Variants in NAALADL2 observed in about 807,000 individuals in gnomAD.
NAALADL2 encodes N-acetylated alpha-linked acidic dipeptidase like 2.
A neutral mutation model predicts 87.2 loss-of-function variants in NAALADL2; 76 were observed. The ratio of observed to expected loss-of-function variants is 0.87; its 90% CI spans 0.72 to 1.05. NAALADL2 has a LOEUF of 1.05. Ranked by LOEUF, NAALADL2 falls within the 50% of genes least tolerant of loss-of-function variation. The probability of loss-of-function intolerance (pLI) is 0.00; values close to 1 mark genes in which losing one functional copy is unlikely to be tolerated. For synonymous variants in NAALADL2, 354 were observed against 331.0 expected (o/e 1.07, Z -0.75); for missense variants, 1,089 against 945.8 (o/e 1.15, Z -1.99).
chr3:175,224,788 G>A (rs4894702), intron 2 of NAALADL2, among the ~76,000 whole-genome samples: 131,137 of 152,198 alleles, frequency 0.86, 56,834 homozygotes, highest in Middle Eastern at 0.94. Flanking sequence ...TAACTTATTC[G>A]AATACCAAAA....
chr3:174,805,415 TC>T (rs1719350410), intron 3 of NAALADL2, among the ~76,000 whole-genome samples: 1 of 152,166 alleles, frequency 6.6e-6, no homozygotes, highest in Non-Finnish European at 1.5e-5. Context: ...ATGTAGCACA[TC>T]GAAATATGAA....
At chr3:175,048,342 T>C (rs2109006131) in intron 1 of NAALADL2, among the ~76,000 whole-genome samples, 1 of 145,378 alleles carries the variant, frequency 6.9e-6, no homozygotes, top group East Asian at 1.9e-4. Context: ...AAAATTGTTC[T>C]TTTTTTCTAC....
rs139596450 is a variant in NAALADL2, at chr3:175,426,624, G to T, written c.1091-20605G>T. Reference sequence around the variant, plus strand: ...TTTGAATCTCAGTTGCCACTGCAAAGTAATCCAACTCTTGCTATGATAAAA... The same window carrying T: ...TTTGAATCTCAGTTGCCACTGCAAATTAATCCAACTCTTGCTATGATAAAA... On this transcript the variant is annotated intron_variant, in intron 5 of 13. Transcript: ENST00000454872. Among the ~76,000 whole-genome samples, 48 of 152,248 alleles carry T rather than the reference G, an allele frequency of 3.2e-4. 2 individuals carry two copies. In the East Asian group the frequency reaches 4.2e-3, roughly 13 times the overall value.
chr3:174,812,334 G>A lies in NAALADL2; in HGVS notation c.-9+74588G>A, dbSNP rs115253146. On this transcript the variant is annotated intron_variant, in intron 3 of 3. Transcript: ENST00000434257. The stretch of plus-strand genomic sequence containing the variant: ...GGAGCTGAAAACTTCCTATAAGTGA[G>A]TAACACCTAGCTGTCATAACATCAC... Among the ~76,000 whole-genome samples, 488 of 152,222 alleles carry A rather than the reference G, an allele frequency of 3.2e-3. 2 individuals are homozygous for A. Among genetic ancestry groups the A allele is most frequent in the African/African-American group, 0.011 (466 of 41,540 alleles).
At chr3:175,078,440 C>G (rs1452437074) in intron 1 of NAALADL2, among the ~76,000 whole-genome samples, 1 of 152,004 alleles carries the variant, frequency 6.6e-6, no homozygotes, top group African/African-American at 2.4e-5. Flanking sequence ...AATTAAAAAC[C>G]ATAAAATTCA....
chr3:175,544,259 T>A (rs985896076), intron 9 of NAALADL2, among the ~76,000 whole-genome samples: 4 of 152,338 alleles, frequency 2.6e-5, no homozygotes, highest in African/African-American at 9.6e-5. Context: ...AAACAAGCTT[T>A]TTGCAATAAT....
intron 9 of NAALADL2, among the ~76,000 whole-genome samples, chr3:175,486,583 T>A (rs1210423471): frequency 6.6e-6 from 1 of 152,134 alleles, no homozygotes; most frequent in Admixed American, 6.6e-5. Flanking sequence ...CCCCCAAATC[T>A]CTGGAGCTAT....
intron 1 of NAALADL2, among the ~76,000 whole-genome samples, chr3:174,892,034 G>T (rs1222190781): frequency 6.6e-6 from 1 of 152,144 alleles, no homozygotes; most frequent in Non-Finnish European, 1.5e-5. Context: ...GCCCCCTAAA[G>T]CAGAAACTGC....
At chr3:175,415,202 G>A (rs969444146) in intron 5 of NAALADL2, among the ~76,000 whole-genome samples, 1 of 152,160 alleles carries the variant, frequency 6.6e-6, no homozygotes, top group South Asian at 2.1e-4. Context: ...TATTTGGTTG[G>A]TGCAAAAGTA....
chr3:175,685,028 T>C (rs1437634338), intron 11 of NAALADL2, among the ~76,000 whole-genome samples: 1 of 152,164 alleles, frequency 6.6e-6, no homozygotes, highest in African/African-American at 2.4e-5. Flanking sequence ...GTTTGCATAA[T>C]TTTAAAATTT....
intron 2 of NAALADL2, among the ~76,000 whole-genome samples, chr3:175,163,919 C>G (rs900917551): frequency 2.3e-4 from 35 of 152,156 alleles, no homozygotes; most frequent in Non-Finnish European, 4.9e-4. Flanking sequence ...ATTCCATTGT[C>G]AATGATGCAG....
At chr3:174,784,747 G>T (rs1337512966) in intron 3 of NAALADL2, among the ~76,000 whole-genome samples, 1 of 152,136 alleles carries the variant, frequency 6.6e-6, no homozygotes, top group Non-Finnish European at 1.5e-5. Flanking sequence ...CCAAGCAGAG[G>T]TTTCCCTATT....
intron 2 of NAALADL2, among the ~76,000 whole-genome samples, chr3:175,113,172 T>C (rs979633195): frequency 2.4e-4 from 36 of 151,638 alleles, no homozygotes; most frequent in Admixed American, 2.0e-3. Context: ...AGGAAAATTA[T>C]AAGATCAGAC....
chr3:174,839,169 G>T (rs777713699), intron 3 of NAALADL2, among the ~76,000 whole-genome samples: 8 of 152,138 alleles, frequency 5.3e-5, no homozygotes, highest in Non-Finnish European at 1.0e-4. Context: ...GGACAGCATA[G>T]ATAACCCAGA....
Position 175,246,066 on chromosome 3 carries a change from G to C in NAALADL2, c.820-10345G>C, listed in dbSNP as rs141643104. Among the ~76,000 whole-genome samples the C allele has an allele frequency of 2.0e-3, 299 of 152,246 alleles. 1 individual carries two copies. The highest frequency in any genetic ancestry group is 6.9e-3 in the African/African-American group (285 of 41,548). ...AATGACCATGATGGAAAGCCACTGA[G>C]TGAACCTAAAACAGAAGCACCAATA... On this transcript the variant is annotated intron_variant, in intron 3 of 13. Transcript: ENST00000454872.
At chr3:174,752,747 G>A (rs1295024931) in intron 3 of NAALADL2, among the ~76,000 whole-genome samples, 3 of 151,978 alleles carry the variant, frequency 2.0e-5, no homozygotes, top group Non-Finnish European at 4.4e-5. Context: ...TAAAATACTT[G>A]AGAATAGTAA....
intron 2 of NAALADL2, among the ~76,000 whole-genome samples, chr3:174,575,064 A>G (rs771909656): frequency 6.6e-6 from 1 of 152,080 alleles, no homozygotes; most frequent in Non-Finnish European, 1.5e-5. Flanking sequence ...GGGTAGCTGC[A>G]TATTTAACTT....
chr3:175,093,432 A>ATAAATG (rs1720538259), intron 1 of NAALADL2, among the ~76,000 whole-genome samples: 1 of 146,624 alleles, frequency 6.8e-6, no homozygotes, highest in African/African-American at 2.5e-5. Flanking sequence ...ATATATATAT[A>ATAAATG]TGTTTTAAGT....
chr3:174,935,190 T>C (rs533721852), intron 1 of NAALADL2, among the ~76,000 whole-genome samples: 3 of 152,296 alleles, frequency 2.0e-5, no homozygotes, highest in South Asian at 4.1e-4. Context: ...TTCACTTTCA[T>C]GTGTAATGTT....
Sources: allele counts gnomAD v4.1 joint callset (sites outside exome capture counted in the v4.1 genomes callset), GRCh38; gene constraint gnomAD v4.1.1; transcripts MANE v1.5; gene names NCBI Gene and HGNC (gene_info 2026-07-23, HGNC 2026-07-21).